Variants in RPTOR observed in about 807,000 individuals in gnomAD.
The protein encoded by RPTOR is regulatory associated protein of MTOR complex 1, also known as regulatory-associated protein of mTOR.
RPTOR carries 21 observed loss-of-function variants against 169.9 expected under a neutral mutation model. The ratio of observed to expected loss-of-function variants is 0.12; its 90% CI spans 0.09 to 0.18. The LOEUF (loss-of-function observed/expected upper bound fraction) is 0.18. Ranked by LOEUF, RPTOR falls within the 10% of genes least tolerant of loss-of-function variation. The pLI, the probability that RPTOR is intolerant of heterozygous loss-of-function variation, is 1.00. For synonymous variants in RPTOR, 732 were observed against 753.2 expected (o/e 0.97, Z 0.46); for missense variants, 1,133 against 1,855.9 (o/e 0.61, Z 7.16).
intron 1 of RPTOR, among the ~76,000 whole-genome samples, chr17:80,553,101 C>G (rs767849030): frequency 1.3e-5 from 2 of 152,240 alleles, no homozygotes; most frequent in Non-Finnish European, 2.9e-5. Context: ...ACAGCGGTGC[C>G]AAGCTGTACT....
rs932565363 is a variant in RPTOR, at chr17:80,651,849, C to CA, written c.348+8045dup. 6.6e-6 allele frequency among the ~76,000 whole-genome samples: 1 copy of CA among 151,788 alleles called. No individual in the cohort carries two copies. Among genetic ancestry groups the CA allele is most frequent in the African/African-American group, 2.4e-5 (1 of 41,320 alleles). On this transcript the variant is annotated intron_variant, in intron 3 of 33. Coordinates refer to ENST00000306801, the MANE Select transcript of RPTOR (RefSeq NM_020761.3). The surrounding 1 kb of genome is among the most constrained non-coding windows in gnomAD (Gnocchi z 4.1). ...TGAAACCCTGTCTCTACTAAAAATACAAAAAATTAGCCGGGCGCAGTGGCA... is the reference window on the plus strand; with the variant it reads ...TGAAACCCTGTCTCTACTAAAAATACAAAAAAATTAGCCGGGCGCAGTGGCA...
intron 6 of RPTOR, among the ~76,000 whole-genome samples, chr17:80,782,139 A>G (rs1201647600): frequency 6.6e-6 from 1 of 152,130 alleles, no homozygotes; most frequent in African/African-American, 2.4e-5. Flanking sequence ...GTCACTGAGT[A>G]GTAAGTGCTG....
chr17:80,779,200 C>T (rs1238031177), intron 6 of RPTOR, among the ~76,000 whole-genome samples: 5 of 152,180 alleles, frequency 3.3e-5, no homozygotes, highest in Non-Finnish European at 7.3e-5. Context: ...TGTGTGCGCC[C>T]GTAAGCTGGC....
rs138971765 is a variant in RPTOR at position 80,903,888 on chromosome 17, G to T, written c.2402-4923G>T. ...CAAAGGAACTGTGTAGGTTTGGAAGGAAAAGGCTTCACAACCCAGAAACTG... is the reference window on the plus strand; with the variant it reads ...CAAAGGAACTGTGTAGGTTTGGAAGTAAAAGGCTTCACAACCCAGAAACTG... On this transcript the variant is annotated intron_variant, in intron 20 of 33. Coordinates refer to ENST00000306801, the MANE Select transcript of RPTOR (RefSeq NM_020761.3). Among the ~76,000 whole-genome samples, 810 of 152,322 alleles carry T rather than the reference G, an allele frequency of 5.3e-3. 5 individuals are homozygous for T. Among genetic ancestry groups the T allele is most frequent in the African/African-American group, 0.019 (783 of 41,568 alleles).
At position 80,596,509 on chromosome 17, in the gene RPTOR, C is replaced by T. The variant is rs147274888; in HGVS notation, c.163-29182C>T. Among the ~76,000 whole-genome samples the T allele has an allele frequency of 3.6e-4, 54 of 152,012 alleles. 1 individual carries two copies. The highest frequency in any genetic ancestry group is 1.3e-3 in the African/African-American group (53 of 41,448). On this transcript the variant is annotated intron_variant, in intron 1 of 33. Transcript: ENST00000306801. The stretch of plus-strand genomic sequence containing the variant: ...AGGTTGGGGTGTGCAGGGTTTATGG[C>T]TAATTATAGGATCATATGTAGTGGT...
In RPTOR at chr17:80,625,669, T is replaced by G. The variant is rs8077863; in HGVS notation, c.163-22T>G. ...AGTTCCATATTGAAATATTTATTTA[T>G]TTTTTTCTGTTGTGTTTTCAGATGA... On this transcript the variant is annotated intron_variant, in intron 1 of 33. Transcript: ENST00000306801. 7.6e-3 allele frequency: 11,491 copies of G among 1,510,174 alleles called. 695 individuals are homozygous for G. In the African/African-American group the frequency reaches 0.14, roughly 18 times the overall value. 93.5% of individuals were successfully genotyped at this position (1,510,174 alleles called of 1,614,324 possible). A position where few individuals can be genotyped will look rare whatever the true frequency, so the allele number is the denominator to read the frequency against.
intron 9 of RPTOR, among the ~76,000 whole-genome samples, chr17:80,833,382 A>C (rs1205940420): frequency 6.6e-6 from 1 of 152,048 alleles, no homozygotes; most frequent in Non-Finnish European, 1.5e-5. Flanking sequence ...TCAGATCTGC[A>C]CTCCAGCACT....
At chr17:80,824,801 C>G (rs2067420506) in intron 9 of RPTOR, among the ~76,000 whole-genome samples, 1 of 152,254 alleles carries the variant, frequency 6.6e-6, no homozygotes, top group Non-Finnish European at 1.5e-5. Context: ...CACCTCCTAT[C>G]TGATGTGCTC....
At chr17:80,642,245 T>C (rs928812101) in intron 2 of RPTOR, among the ~76,000 whole-genome samples, 1 of 152,104 alleles carries the variant, frequency 6.6e-6, no homozygotes, top group African/African-American at 2.4e-5. Context: ...CAAGTGATTC[T>C]CCTGTCTCAG....
rs1221562104 is a variant in RPTOR at position 80,609,364 on chromosome 17, G to C, written c.163-16327G>C. On this transcript the variant is annotated intron_variant, in intron 1 of 33. Coordinates refer to ENST00000306801, the MANE Select transcript of RPTOR (RefSeq NM_020761.3). This position sits in a 1 kb window ranked among gnomAD's most constrained non-coding sequence, Gnocchi z 4.8. Reference sequence around the variant, plus strand: ...GATGGTGGGTTTCACACTGAGTTAAGTAGCTTCACGACTGCTAGTGGCTGG... The same window carrying C: ...GATGGTGGGTTTCACACTGAGTTAACTAGCTTCACGACTGCTAGTGGCTGG... Among the ~76,000 whole-genome samples the C allele has an allele frequency of 1.3e-5, 2 of 152,224 alleles. No homozygotes were observed. The highest frequency in any genetic ancestry group is 2.9e-5 in the Non-Finnish European group (2 of 68,036).
chr17:80,630,853 G>A (rs906204889), intron 2 of RPTOR, among the ~76,000 whole-genome samples: 5 of 152,170 alleles, frequency 3.3e-5, no homozygotes, highest in African/African-American at 4.8e-5. Flanking sequence ...GGCTTTGCCT[G>A]TCTCCTGGCA....
At chr17:80,595,644 A>G (rs1196759424) in intron 1 of RPTOR, among the ~76,000 whole-genome samples, 1 of 152,028 alleles carries the variant, frequency 6.6e-6, no homozygotes, top group African/African-American at 2.4e-5. Context: ...ATTTGTAGAG[A>G]CCAGGGCTCT....
chr17:80,655,630 G>A (rs1383178556), intron 3 of RPTOR, among the ~76,000 whole-genome samples: 1 of 150,084 alleles, frequency 6.7e-6, no homozygotes, highest in Non-Finnish European at 1.5e-5. Context: ...AGGCTGGAGT[G>A]CGGTGGTGTG....
chr17:80,782,922 G>A (rs1473911369), intron 6 of RPTOR, among the ~76,000 whole-genome samples: 8 of 152,160 alleles, frequency 5.3e-5, no homozygotes, highest in Admixed American at 2.0e-4. Flanking sequence ...TGAAGTTGTC[G>A]CAAACAAGCT....
intron 24 of RPTOR, among the ~76,000 whole-genome samples, chr17:80,930,447 CT>C (rs66536164): frequency 0.19 from 182 of 940 alleles, 5 homozygotes; most frequent in Non-Finnish European, 0.25. Context: ...CCAGCTCATC[CT>C]CAGCTCATCC....
At chr17:80,634,769 CGTGT>C (rs1188459889) in intron 2 of RPTOR, among the ~76,000 whole-genome samples, 17 of 47,754 alleles carry the variant, frequency 3.6e-4, no homozygotes, top group Admixed American at 1.2e-3. Context: ...GCGTACTGTG[CGTGT>C]GTGTACTGTG....
At chr17:80,807,498 A>C (rs56179246) in intron 7 of RPTOR, among the ~76,000 whole-genome samples, 15 of 151,842 alleles carry the variant, frequency 9.9e-5, no homozygotes, top group Admixed American at 3.9e-4. Flanking sequence ...TTACAGGCAC[A>C]CACCACCACA....
chr17:80,946,616 T>C (rs1281069905), intron 26 of RPTOR, among the ~76,000 whole-genome samples: 1 of 152,230 alleles, frequency 6.6e-6, no homozygotes, highest in African/African-American at 2.4e-5. Context: ...CTCAGCGCAG[T>C]GTCTTTAAGG....
chr17:80,956,711 C>G (rs893386988), intron 28 of RPTOR, among the ~76,000 whole-genome samples: 1 of 152,350 alleles, frequency 6.6e-6, no homozygotes. Flanking sequence ...CTTAGACAGA[C>G]GTTGCTGGAA....
Sources: gnomAD v4.1 joint callset for allele counts (sites outside exome capture counted in the v4.1 genomes callset) on GRCh38, gnomAD v4.1.1 for gene constraint, Gnocchi (gnomAD v3.1) non-coding constraint, MANE v1.5 for transcripts, NCBI Gene and HGNC (gene_info 2026-07-23, HGNC 2026-07-21) for gene names.